Variants in TNS1 observed in about 807,000 individuals in gnomAD.
TNS1 encodes the protein tensin-1.
A neutral mutation model predicts 168.6 loss-of-function variants in TNS1; 62 were observed. The observed-to-expected ratio is 0.37, with a 90% CI of 0.30 to 0.45. TNS1 has a LOEUF of 0.45. TNS1 is among the 20% of genes least tolerant of loss of function. The probability of loss-of-function intolerance (pLI) is 1.00; values close to 1 mark genes in which losing one functional copy is unlikely to be tolerated. For missense variants in TNS1, 2,240 were observed against 2,339.4 expected, an observed-to-expected ratio of 0.96 and a Z score of 0.88; for synonymous variants, 934 against 933.2, an observed-to-expected ratio of 1.00 and a Z score of -0.02.
In TNS1 at chr2:217,804,350, C is replaced by T. The variant is rs1262547127; in HGVS notation, c.*109G>A. The T allele has an allele frequency of 1.2e-5, 17 of 1,439,512 alleles. No individual in the cohort carries two copies. Among genetic ancestry groups the T allele is most frequent in the South Asian group, 4.0e-5 (3 of 74,726 alleles). 89.2% of individuals were successfully genotyped at this position (1,439,512 alleles called of 1,614,324 possible). A position where few individuals can be genotyped will look rare whatever the true frequency, so the allele number is the denominator to read the frequency against. ...CCACGTTGCACTTTCTTCTCTCCTC[C>T]GAAATTGGCCCAAAGTCCTCCTTCT... On this transcript the variant is annotated 3_prime_UTR_variant, in exon 33 of 33. Transcript: ENST00000682258.
At chr2:217,886,970 G>A (rs957269336) in intron 12 of TNS1, among the ~76,000 whole-genome samples, 1 of 152,010 alleles carries the variant, frequency 6.6e-6, no homozygotes, top group African/African-American at 2.4e-5. Context: ...TCTCCTGCTG[G>A]ACCAAAATTT....
chr2:217,872,423 A>G (rs1949850369), intron 18 of TNS1, among the ~76,000 whole-genome samples: 1 of 152,254 alleles, frequency 6.6e-6, no homozygotes, highest in African/African-American at 2.4e-5. Flanking sequence ...TTTCTAAAGA[A>G]GATCCATAAT....
rs751686230 is a variant in TNS1, at chr2:217,885,111, A to G, written c.1170T>C (p.Arg390=). The change falls in exon 16 of 33, where the codon CGT becomes CGC. Residue 390 remains arginine, a synonymous_variant. Transcript: ENST00000682258. ...FRSPARDVIF[R]VQFHTCAIHD... is the part of the protein sequence containing the mutation. The stretch of plus-strand genomic sequence containing the variant: ...GGATGGCACAGGTGTGGAACTGCAC[A>G]CGGAAGATGACGTCTCGGGCTGGGC... 1 of 1,614,100 alleles carries G rather than the reference A, an allele frequency of 6.2e-7. No individual in the cohort carries two copies. Among genetic ancestry groups the G allele is most frequent in the Non-Finnish European group, 8.5e-7 (1 of 1,180,032 alleles).
At position 217,877,418 on chromosome 2, in the gene TNS1, C is replaced by T. The variant is rs564936636; in HGVS notation, c.1429+3480G>A. Among the ~76,000 whole-genome samples the T allele has an allele frequency of 5.3e-5, 8 of 152,318 alleles. No individual in the cohort carries two copies. In the East Asian group the frequency reaches 1.5e-3, roughly 29 times the overall value. On this transcript the variant is annotated intron_variant, in intron 18 of 32. Coordinates refer to ENST00000682258, the MANE Select transcript of TNS1 (RefSeq NM_001387777.1). Reference sequence around the variant, plus strand: ...TGTCTCATGACCCTGGACAAGATTGCTAACCTCTGCCTACTTCTGGGGTCT... The same window carrying T: ...TGTCTCATGACCCTGGACAAGATTGTTAACCTCTGCCTACTTCTGGGGTCT...
rs570178309 is a variant in TNS1, at chr2:217,821,658, C to T, written c.3572+82G>A. 1.7e-4 allele frequency: 221 copies of T among 1,322,340 alleles called. 4 individuals carry two copies. The South Asian group carries it at 3.4e-3, about 20-fold the overall frequency. The allele number at this position is 1,322,340 out of a possible 1,614,324, so 81.9% of individuals were successfully genotyped here. On this transcript the variant is annotated intron_variant, in intron 23 of 32. Transcript: ENST00000682258. ...TTCTGCCTGTCCACGCCATAGGCAA[C>T]AGATCCAGGAGGCCTCACCCATCCC... is the stretch of plus-strand genomic sequence containing the variant.
intron 1 of TNS1, among the ~76,000 whole-genome samples, chr2:217,999,642 G>A (rs761731214): frequency 1.3e-5 from 2 of 152,188 alleles, no homozygotes; most frequent in Non-Finnish European, 2.9e-5. Context: ...CAGTCAGGAG[G>A]CCCTTACAGG....
intron 3 of TNS1, among the ~76,000 whole-genome samples, chr2:217,965,534 G>A (rs1957604168): frequency 6.6e-6 from 1 of 152,134 alleles, no homozygotes; most frequent in African/African-American, 2.4e-5. Context: ...GGCTTGGGAG[G>A]CTCAGAGAAC....
chr2:218,005,105 G>T (rs1352280374), upstream of TNS1, among the ~76,000 whole-genome samples: 2 of 152,216 alleles, frequency 1.3e-5, no homozygotes, highest in African/African-American at 4.8e-5. Context: ...CCTTCAGCCA[G>T]CTAAGCCCTG....
At chr2:217,954,403 G>A (rs544859338) in intron 3 of TNS1, among the ~76,000 whole-genome samples, 4 of 152,308 alleles carry the variant, frequency 2.6e-5, no homozygotes, top group East Asian at 3.9e-4. Context: ...TGGTGATGGC[G>A]ATGATGCTGA....
intron 1 of TNS1, among the ~76,000 whole-genome samples, chr2:217,997,570 T>C (rs1958493580): frequency 6.6e-6 from 1 of 152,200 alleles, no homozygotes; most frequent in Admixed American, 6.5e-5. Context: ...ATGATTACCT[T>C]AGTGTCCCCT....
In TNS1 at chr2:218,024,878, G is replaced by A. The variant is rs1958838823; in HGVS notation, c.156+8942C>T. 2.0e-5 allele frequency among the ~76,000 whole-genome samples: 3 copies of A among 152,332 alleles called. No individual in the cohort carries two copies. In the South Asian group the frequency reaches 6.2e-4, roughly 32 times the overall value. On this transcript the variant is annotated intron_variant, in intron 1 of 1. Transcript: ENST00000649572. ...AAGCAGAAAGGAGAAACGGGGAGGG[G>A]AACAGAGAGGGTGTCAGAGGCCAGA...
chr2:217,893,117 G>T, intron 10 of TNS1, 105 bp from the exon 11 acceptor site: 1 of 1,410,056 alleles, frequency 7.1e-7, no homozygotes, highest in South Asian at 1.2e-5. Flanking sequence ...TGGAGAGAGG[G>T]GTGTGGATTT....
intron 32 of TNS1, among the ~76,000 whole-genome samples, chr2:217,805,537 C>T (rs1321160304): frequency 6.2e-4 from 1 of 1,610 alleles, no homozygotes. Context: ...ACACACACCA[C>T]ACACACCACC....
At chr2:217,825,553 A>G in intron 22 of TNS1, among the ~76,000 whole-genome samples, 1 of 152,152 alleles carries the variant, frequency 6.6e-6, no homozygotes, top group East Asian at 1.9e-4. Context: ...AGCAATTCAC[A>G]TTGCCCTACG....
intron 22 of TNS1, among the ~76,000 whole-genome samples, chr2:217,822,796 C>T (rs1943073961): frequency 6.6e-6 from 1 of 152,214 alleles, no homozygotes; most frequent in Admixed American, 6.5e-5. Flanking sequence ...CCCAGACCGG[C>T]ACCTGCCCAA....
At chr2:217,834,937 G>A (rs1396139509) in intron 21 of TNS1, among the ~76,000 whole-genome samples, 154 bp downstream of exon 21, 2 of 152,224 alleles carry the variant, frequency 1.3e-5, no homozygotes, top group Non-Finnish European at 2.9e-5. Context: ...AGCAATGGAA[G>A]AGAAGGGGCC....
intron 16 of TNS1, among the ~76,000 whole-genome samples, chr2:217,884,147 G>GTGGGTGGATGGA (rs1553596585): frequency 8.4e-6 from 1 of 119,568 alleles, no homozygotes; most frequent in Admixed American, 8.8e-5. Context: ...GGGTGGGTGG[G>GTGGGTGGATGGA]TGGATGGATG....
At chr2:217,861,963 G>A (rs1948821799) in intron 18 of TNS1, among the ~76,000 whole-genome samples, 1 of 152,220 alleles carries the variant, frequency 6.6e-6, no homozygotes, top group Admixed American at 6.5e-5. Context: ...AAAAATCATG[G>A]CCTGGAATGG....
chr2:217,897,246 C>T (rs1952410085), intron 8 of TNS1, among the ~76,000 whole-genome samples: 1 of 152,180 alleles, frequency 6.6e-6, no homozygotes, highest in South Asian at 2.1e-4. Context: ...ACCTCTCTCC[C>T]GTGTGCCAAG....
Sources: gnomAD v4.1 joint callset for allele counts (sites outside exome capture counted in the v4.1 genomes callset) on GRCh38, gnomAD v4.1.1 for gene constraint, MANE v1.5 for transcripts, NCBI Gene and HGNC (gene_info 2026-07-23, HGNC 2026-07-21) for gene names.